The following DLD variants were observed in gnomAD, a reference collection of about 807,000 sequenced individuals.
DLD encodes dihydrolipoamide dehydrogenase, also known as dihydrolipoyl dehydrogenase, mitochondrial.
DLD carries 36 observed loss-of-function variants against 62.2 expected under a neutral mutation model. The ratio of observed to expected loss-of-function variants is 0.58; its 90% CI spans 0.44 to 0.76. The LOEUF (loss-of-function observed/expected upper bound fraction) is 0.76, where lower values mean the gene tolerates loss of function less well. Ranked by LOEUF, DLD falls within the 30% of genes least tolerant of loss-of-function variation. The pLI, the probability that DLD is intolerant of heterozygous loss-of-function variation, is 0.00. For synonymous variants in DLD, 204 were observed against 199.6 expected (o/e 1.02, Z -0.19); for missense variants, 541 against 608.6 (o/e 0.89, Z 1.17).
chr7:107,904,354 CAG>C (rs1352451356), intron 5 of DLD, among the ~76,000 whole-genome samples: 2 of 152,180 alleles, frequency 1.3e-5, no homozygotes, highest in Non-Finnish European at 2.9e-5. Flanking sequence ...AGAAATCTCT[CAG>C]AGTCTCTTTT....
intron 1 of DLD, among the ~76,000 whole-genome samples, chr7:107,892,931 C>T (rs751529557): frequency 6.6e-5 from 10 of 152,030 alleles, no homozygotes; most frequent in Non-Finnish European, 1.5e-4. Flanking sequence ...CCATTGAATA[C>T]GTTTTTAAAA....
intron 4 of DLD, 131 bp downstream of exon 4, chr7:107,902,524 A>G (rs1280573127): frequency 2.5e-6 from 2 of 802,356 alleles, no homozygotes; most frequent in Non-Finnish European, 4.3e-6. Context: ...TCACACAGAG[A>G]AAAAAAAGAA....
At chr7:107,918,412 CATT>C (rs1433428373) in intron 12 of DLD, among the ~76,000 whole-genome samples, 5 of 152,188 alleles carry the variant, frequency 3.3e-5, no homozygotes, top group East Asian at 1.9e-4. Flanking sequence ...CTCTTTTACT[CATT>C]AATGCCATGT....
intron 8 of DLD, among the ~76,000 whole-genome samples, chr7:107,908,381 C>G (rs2032059273): frequency 1.3e-5 from 2 of 151,798 alleles, no homozygotes; most frequent in Admixed American, 1.3e-4. Context: ...GAACTCCTGA[C>G]CTTGTGATGC....
chr7:107,892,539 A>ATTTG (rs1338475915), intron 1 of DLD, among the ~76,000 whole-genome samples: 5 of 151,792 alleles, frequency 3.3e-5, no homozygotes, highest in African/African-American at 1.2e-4. Flanking sequence ...AGCTTTATTT[A>ATTTG]TTTATTTATT....
At position 107,903,564 on chromosome 7, in the gene DLD, T is replaced by C. The variant is rs1428305327; in HGVS notation, c.337+17T>C. 6.1e-6 allele frequency: 9 copies of C among 1,484,660 alleles called. No homozygotes were observed. The East Asian group carries it at 1.6e-4, about 26-fold the overall frequency. 92.0% of individuals were successfully genotyped at this position (1,484,660 alleles called of 1,614,324 possible). A position where few individuals can be genotyped will look rare whatever the true frequency, so the allele number is the denominator to read the frequency against. ...GAATTGAAAGTAAGTATACTTTTCA[T>C]GCTTAATGATATTACCAGACTGCTT... is the stretch of plus-strand genomic sequence containing the variant. On this transcript the variant is annotated intron_variant, in intron 5 of 13. Transcript: ENST00000205402.
chr7:107,902,222 C>T (rs969949632), intron 3 of DLD, 103 bp from the exon 4 acceptor site: 23 of 1,023,892 alleles, frequency 2.2e-5, no homozygotes, highest in Admixed American at 3.6e-5. Flanking sequence ...AAACATAGCC[C>T]GAATAGCTTG....
At chr7:107,905,254 A>G in intron 6 of DLD, 107 bp from the exon 7 acceptor site, 1 of 1,223,256 alleles carries the variant, frequency 8.2e-7, no homozygotes, top group Non-Finnish European at 1.2e-6. Context: ...CTAAGTAAGG[A>G]AGCATTTTGT....
intron 8 of DLD, among the ~76,000 whole-genome samples, chr7:107,913,748 C>G (rs548631410): frequency 6.6e-6 from 1 of 152,194 alleles, no homozygotes; most frequent in South Asian, 2.1e-4. Flanking sequence ...ATTGCTGAGG[C>G]CAGGACTTCC....
intron 1 of DLD, 66 bp downstream of exon 1, chr7:107,891,355 G>A: frequency 6.3e-7 from 1 of 1,584,598 alleles, no homozygotes; most frequent in Non-Finnish European, 8.7e-7. Flanking sequence ...AGTGGGTCCG[G>A]TACGCGGCTT....
intron 7 of DLD, 46 bp from the exon 8 acceptor site, chr7:107,906,221 A>G (rs958733642): frequency 1.6e-6 from 2 of 1,228,804 alleles, no homozygotes; most frequent in East Asian, 2.4e-5. Context: ...CGACTGTACT[A>G]GGTTTTTTCA....
At chr7:107,900,475 T>G (rs999023669) in intron 2 of DLD, among the ~76,000 whole-genome samples, 1 of 152,198 alleles carries the variant, frequency 6.6e-6, no homozygotes, top group African/African-American at 2.4e-5. Context: ...TTTTGTGGTC[T>G]TTCTTTTGCC....
At position 107,894,920 on chromosome 7, in the gene DLD, T is replaced by C. The variant is rs73423582; in HGVS notation, c.118+1642T>C. 4.1e-3 allele frequency among the ~76,000 whole-genome samples: 630 copies of C among 152,354 alleles called. 5 individuals carry two copies. Among genetic ancestry groups the C allele is most frequent in the African/African-American group, 0.014 (584 of 41,576 alleles). On this transcript the variant is annotated intron_variant, in intron 2 of 13. Transcript: ENST00000205402. ...CTTTTCCTCAGGAATGCAAACTTCA[T>C]CAGGACAGGGACTGTGTGTGACTGT...
Position 107,902,375 on chromosome 7 carries a change from T to C in DLD, c.249T>C (p.Val83=), listed in dbSNP as rs2228664. ...CACTTGGTGGAACATGCTTGAATGT[T>C]GGTTGTATTCCTTCTAAGGTGAGCA... ...NETLGGTCLN[V]GCIPSKALLN... The change falls in exon 4 of 14, where the codon GTT becomes GTC. Residue 83 remains valine, a synonymous_variant. Coordinates refer to ENST00000205402, the MANE Select transcript of DLD (RefSeq NM_000108.5). 1.6e-3 allele frequency: 2,643 copies of C among 1,613,914 alleles called. 39 individuals carry two copies. In the African/African-American group the frequency reaches 0.031, roughly 19 times the overall value.
intron 8 of DLD, among the ~76,000 whole-genome samples, chr7:107,910,000 G>A (rs2032102482): frequency 1.3e-5 from 2 of 151,836 alleles, no homozygotes; most frequent in South Asian, 4.2e-4. Flanking sequence ...TTACAGGCAC[G>A]CACCACCATA....
chr7:107,905,380 A>G lies in DLD; in HGVS notation c.458A>G (p.Tyr153Cys). ...KQNKVVHVNG[Y>C]GKITGKNQVT... ...GTAAAGGTTGTTCATGTCAATGGAT[A>G]TGGAAAGATAACTGGCAAAAATCAA... The change falls in exon 7 of 14, where the codon TAT becomes TGT. Residue 153 changes from tyrosine (Y) to cysteine (C), a missense_variant. Physicochemically the swap from Tyr to Cys is radical, Grantham distance 194. Transcript: ENST00000205402. 3 of 1,613,620 alleles carry G rather than the reference A, an allele frequency of 1.9e-6. No individual in the cohort carries two copies. The highest frequency in any genetic ancestry group is 2.5e-6 in the Non-Finnish European group (3 of 1,179,552).
chr7:107,902,072 T>G (rs537346435), intron 3 of DLD, among the ~76,000 whole-genome samples: 2 of 151,520 alleles, frequency 1.3e-5, no homozygotes, highest in Admixed American at 1.3e-4. Context: ...GAAGATACAG[T>G]GATAGAACTA....
intron 10 of DLD, 144 bp from the exon 11 acceptor site, chr7:107,917,129 C>G (rs2032289776): frequency 3.3e-6 from 4 of 1,212,592 alleles, no homozygotes; most frequent in Non-Finnish European, 4.7e-6. Flanking sequence ...CAAAGATAAG[C>G]TGAATTCATA....
At chr7:107,902,772 G>T (rs535196308) in intron 4 of DLD, among the ~76,000 whole-genome samples, 11 of 152,120 alleles carry the variant, frequency 7.2e-5, no homozygotes, top group Non-Finnish European at 1.0e-4. Context: ...CTGCCACCCT[G>T]AAGTGTGTAC....
Sources: gnomAD v4.1 joint callset for allele counts (sites outside exome capture counted in the v4.1 genomes callset) on GRCh38, gnomAD v4.1.1 for gene constraint, MANE v1.5 for transcripts, NCBI Gene and HGNC (gene_info 2026-07-23, HGNC 2026-07-21) for gene names.